Variants in APBA1 observed in about 807,000 individuals in gnomAD.
The protein encoded by APBA1 is amyloid-beta A4 precursor protein-binding family A member 1.
APBA1 carries 55 observed loss-of-function variants against 86.6 expected under a neutral mutation model. That is an observed-to-expected ratio of 0.64 (90% CI 0.51 to 0.80). APBA1 has a LOEUF of 0.80. Ranked by LOEUF, APBA1 falls within the 30% of genes least tolerant of loss-of-function variation. The pLI is 0.00. For synonymous variants in APBA1, 511 were observed against 493.9 expected, an observed-to-expected ratio of 1.03 and a Z score of -0.46; for missense variants, 1,090 against 1,183.0, an observed-to-expected ratio of 0.92 and a Z score of 1.15.
intron 1 of APBA1, among the ~76,000 whole-genome samples, chr9:69,655,132 C>T (rs1487391795): frequency 6.6e-6 from 1 of 152,140 alleles, no homozygotes; most frequent in African/African-American, 2.4e-5. Context: ...TTTAAAGCTT[C>T]TCCTCTAAGA....
At chr9:69,505,018 G>A (rs183220854) in intron 2 of APBA1, among the ~76,000 whole-genome samples, 45 of 152,104 alleles carry the variant, frequency 3.0e-4, no homozygotes, top group Admixed American at 1.9e-3. Flanking sequence ...GTTGGGGGGC[G>A]TCTACCGCAC....
upstream of APBA1, among the ~76,000 whole-genome samples, chr9:69,672,569 C>T (rs1176548588): frequency 6.7e-6 from 1 of 148,532 alleles, no homozygotes; most frequent in Non-Finnish European, 1.5e-5. Context: ...GCGGCGGCGG[C>T]GGCACCGCTG....
chr9:69,522,883 C>T lies in APBA1; in HGVS notation c.-69-5604G>A, dbSNP rs78419242. ...ATGGAAGAAAATCTCTCTTCCTCTA[C>T]AAAAAAGTTGGATGACCTGGAAGAC... On this transcript the variant is annotated intron_variant, in intron 1 of 12. Transcript: ENST00000265381. Among the ~76,000 whole-genome samples, 1,106 of 151,646 alleles carry T rather than the reference C, an allele frequency of 7.3e-3. 10 individuals are homozygous for T. The highest frequency in any genetic ancestry group is 0.025 in the African/African-American group (1,034 of 41,334).
At chr9:69,502,891 C>T (rs965028327) in intron 2 of APBA1, among the ~76,000 whole-genome samples, 1 of 152,090 alleles carries the variant, frequency 6.6e-6, no homozygotes, top group Non-Finnish European at 1.5e-5. Flanking sequence ...AGCTCCTGAA[C>T]TCTTCAGATT....
chr9:69,432,508 A>C, intron 12 of APBA1, 28 bp downstream of exon 12: 1 of 1,490,618 alleles, frequency 6.7e-7, no homozygotes, highest in East Asian at 2.6e-5. Flanking sequence ...GGCCCTCAGC[A>C]CCACCCTCAG....
intron 2 of APBA1, among the ~76,000 whole-genome samples, chr9:69,481,937 G>C (rs1343575070): frequency 6.6e-6 from 1 of 151,422 alleles, no homozygotes; most frequent in Non-Finnish European, 1.5e-5. Flanking sequence ...GCTGAAACTG[G>C]ATCCCTTCCT....
intron 1 of APBA1, among the ~76,000 whole-genome samples, chr9:69,591,997 G>A (rs994980589): frequency 2.0e-5 from 3 of 152,186 alleles, no homozygotes; most frequent in Admixed American, 2.0e-4. Context: ...TTCAAGACAT[G>A]CTCGTTTCCT....
At chr9:69,513,568 C>T (rs1836086786) in intron 2 of APBA1, among the ~76,000 whole-genome samples, 2 of 152,216 alleles carry the variant, frequency 1.3e-5, no homozygotes, top group Admixed American at 6.5e-5. Context: ...TGGGAGGAAT[C>T]TGGAGACAGC....
chr9:69,441,237 T>A (rs1834817492), intron 10 of APBA1, 122 bp from the exon 11 acceptor site: 18 of 1,196,812 alleles, frequency 1.5e-5, no homozygotes, highest in Non-Finnish European at 2.0e-5. Flanking sequence ...CACTGCCTGC[T>A]TGCCTGCAGG....
At chr9:69,596,872 C>A (rs144611390) in intron 1 of APBA1, among the ~76,000 whole-genome samples, 13 of 152,278 alleles carry the variant, frequency 8.5e-5, no homozygotes, top group African/African-American at 2.9e-4. Context: ...CTAAAACTAG[C>A]AGATTAGAAG....
chr9:69,602,295 G>GC (rs1435260571), intron 1 of APBA1, among the ~76,000 whole-genome samples: 5 of 152,090 alleles, frequency 3.3e-5, no homozygotes. Context: ...TACCTGGCGG[G>GC]GCGCGGTTGC....
intron 1 of APBA1, among the ~76,000 whole-genome samples, chr9:69,575,564 C>A (rs1410603986): frequency 2.0e-5 from 3 of 152,136 alleles, no homozygotes; most frequent in Non-Finnish European, 4.4e-5. Context: ...ATATCTACAA[C>A]TATCTGATCT....
Position 69,600,658 on chromosome 9 carries a change from G to A in APBA1, c.-70+71495C>T, listed in dbSNP as rs368394577. On this transcript the variant is annotated intron_variant, in intron 1 of 12. Transcript: ENST00000265381. The stretch of plus-strand genomic sequence containing the variant: ...TACTAAAAATAGAAAAATTAGCTGA[G>A]TGTGGAGGTACACACCTGTAATCCC... 3.2e-3 allele frequency among the ~76,000 whole-genome samples: 483 copies of A among 152,086 alleles called. 1 individual carries two copies. Among genetic ancestry groups the A allele is most frequent in the South Asian group, 0.013 (61 of 4,808 alleles).
At chr9:69,624,332 G>T (rs571725186) in intron 1 of APBA1, among the ~76,000 whole-genome samples, 3 of 152,286 alleles carry the variant, frequency 2.0e-5, no homozygotes, top group East Asian at 1.9e-4. Flanking sequence ...CAGGCAGTTT[G>T]CTCAGACCCA....
In APBA1 at chr9:69,575,021, A is replaced by G. The variant is rs1019925420; in HGVS notation, c.-69-57742T>C. Among the ~76,000 whole-genome samples, 4 of 152,186 alleles carry G rather than the reference A, an allele frequency of 2.6e-5. No homozygotes were observed. In the East Asian group the frequency reaches 7.7e-4, roughly 29 times the overall value. On this transcript the variant is annotated intron_variant, in intron 1 of 12. Coordinates refer to ENST00000265381, the MANE Select transcript of APBA1 (RefSeq NM_001163.4). The stretch of plus-strand genomic sequence containing the variant: ...CCCCTCAACCTCCTGGGCTCAAGTG[A>G]TCCTCCCACCTCAGCCTCCCAAGTA...
At chr9:69,652,317 A>G (rs1339675646) in intron 1 of APBA1, among the ~76,000 whole-genome samples, 2 of 152,190 alleles carry the variant, frequency 1.3e-5, no homozygotes, top group African/African-American at 4.8e-5. Context: ...CCAGGTGTTG[A>G]TATCTGACTC....
intron 1 of APBA1, among the ~76,000 whole-genome samples, chr9:69,544,944 C>T (rs1190601279): frequency 1.3e-5 from 2 of 152,316 alleles, no homozygotes; most frequent in Non-Finnish European, 2.9e-5. Flanking sequence ...AGAAGACACT[C>T]TTGGGGGTTC....
chr9:69,609,532 T>C (rs1822540447), intron 1 of APBA1, among the ~76,000 whole-genome samples: 1 of 152,228 alleles, frequency 6.6e-6, no homozygotes. Context: ...GCACATGGTT[T>C]ACTATGGCAC....
chr9:69,584,791 G>C (rs940682074), intron 1 of APBA1, among the ~76,000 whole-genome samples: 1 of 152,172 alleles, frequency 6.6e-6, no homozygotes, highest in African/African-American at 2.4e-5. Flanking sequence ...GTCAAAGTTT[G>C]AATGACATAA....
Sources: allele counts gnomAD v4.1 joint callset (sites outside exome capture counted in the v4.1 genomes callset), GRCh38; gene constraint gnomAD v4.1.1; transcripts MANE v1.5; gene names NCBI Gene and HGNC (gene_info 2026-07-23, HGNC 2026-07-21).